TNIP3: variants seen among roughly 807,000 people sequenced by gnomAD.
TNIP3 encodes TNFAIP3-interacting protein 3.
TNIP3 carries 34 observed loss-of-function variants against 54.1 expected under a neutral mutation model. The observed-to-expected ratio is 0.63, with a 90% CI of 0.48 to 0.84. The LOEUF is 0.84. Among genes scored for constraint, TNIP3 ranks in the 40% least tolerant of loss-of-function variants. The pLI is 0.00. For synonymous variants in TNIP3, 134 were observed against 136.8 expected (o/e 0.98, Z 0.14); for missense variants, 366 against 387.6 (o/e 0.94, Z 0.47).
At chr4:121,206,432 C>T (rs1425745651) in intron 2 of TNIP3, among the ~76,000 whole-genome samples, 1 of 152,094 alleles carries the variant, frequency 6.6e-6, no homozygotes, top group African/African-American at 2.4e-5. Context: ...TAAAAATAAT[C>T]TGTAAATTAT....
chr4:121,204,356 C>T (rs976145738), intron 2 of TNIP3, among the ~76,000 whole-genome samples: 8 of 152,160 alleles, frequency 5.3e-5, no homozygotes, highest in Non-Finnish European at 1.2e-4. Context: ...TCTGGAAGCT[C>T]CCTACCCACT....
chr4:121,149,340 T>A (rs1729606821), intron 6 of TNIP3, among the ~76,000 whole-genome samples: 1 of 152,234 alleles, frequency 6.6e-6, no homozygotes, highest in Non-Finnish European at 1.5e-5. Context: ...TCAGTGATTA[T>A]AATAAGTACA....
At chr4:121,169,648 G>A (rs1730962552) in intron 3 of TNIP3, among the ~76,000 whole-genome samples, 1 of 152,116 alleles carries the variant, frequency 6.6e-6, no homozygotes, top group Admixed American at 6.5e-5. Context: ...AATGTATGAT[G>A]CTCCCAAATC....
At chr4:121,136,859 A>G (rs1351469881) in intron 10 of TNIP3, among the ~76,000 whole-genome samples, 6 of 74,688 alleles carry the variant, frequency 8.0e-5, no homozygotes, top group African/African-American at 2.5e-4. Context: ...CTGTCTCCGA[A>G]AAAAAAAAAA....
intron 2 of TNIP3, among the ~76,000 whole-genome samples, chr4:121,213,743 A>G (rs1344417096): frequency 6.6e-6 from 1 of 151,836 alleles, no homozygotes; most frequent in African/African-American, 2.4e-5. Context: ...AAAAAAAACA[A>G]AAAAAGACAT....
chr4:121,140,953 C>T (rs954503098), intron 9 of TNIP3, among the ~76,000 whole-genome samples: 16 of 152,148 alleles, frequency 1.1e-4, no homozygotes, highest in African/African-American at 3.6e-4. Flanking sequence ...TTTTGAGTCA[C>T]ACTCGAACAA....
chr4:121,145,926 G>A (rs1054118282), intron 7 of TNIP3, among the ~76,000 whole-genome samples: 4 of 150,748 alleles, frequency 2.7e-5, no homozygotes, highest in South Asian at 2.1e-4. Context: ...GCGGTGAGCC[G>A]AGATCATGCC....
intron 6 of TNIP3, among the ~76,000 whole-genome samples, chr4:121,147,778 A>G (rs1729516324): frequency 6.6e-6 from 1 of 152,224 alleles, no homozygotes. Context: ...GATTTAAATT[A>G]CTACTTATAT....
intron 2 of TNIP3, among the ~76,000 whole-genome samples, chr4:121,213,706 G>A (rs1448015962): frequency 2.8e-5 from 4 of 142,284 alleles, no homozygotes; most frequent in Non-Finnish European, 4.5e-5. Context: ...CAGCCTGGGC[G>A]ACAGAGTAAG....
chr4:121,173,089 G>A (rs1724070017), intron 3 of TNIP3, among the ~76,000 whole-genome samples: 1 of 152,154 alleles, frequency 6.6e-6, no homozygotes, highest in East Asian at 1.9e-4. Flanking sequence ...CCATATCAGA[G>A]CTCATTTAGT....
At chr4:121,156,772 T>A (rs868411561) in intron 4 of TNIP3, among the ~76,000 whole-genome samples, 3 of 151,922 alleles carry the variant, frequency 2.0e-5, no homozygotes, top group Non-Finnish European at 2.9e-5. Context: ...GAAAAAAAAA[T>A]TTCTCCTAGG....
chr4:121,156,191 C>G (rs1730075367), intron 4 of TNIP3, among the ~76,000 whole-genome samples: 1 of 152,126 alleles, frequency 6.6e-6, no homozygotes, highest in Non-Finnish European at 1.5e-5. Flanking sequence ...TCAGACATTG[C>G]CTTAAGATTT....
chr4:121,183,071 C>T (rs185759725), intron 2 of TNIP3, among the ~76,000 whole-genome samples: 1 of 152,178 alleles, frequency 6.6e-6, no homozygotes, highest in African/African-American at 2.4e-5. Context: ...CGAACACTCA[C>T]GGTGAGCCAG....
chr4:121,202,276 T>C (rs1233771750), intron 2 of TNIP3, among the ~76,000 whole-genome samples: 5 of 152,180 alleles, frequency 3.3e-5, no homozygotes, highest in Non-Finnish European at 7.3e-5. Flanking sequence ...TAGAGCCAAC[T>C]GATCTTTGAC....
At chr4:121,175,841 T>A (rs1488866922) in intron 3 of TNIP3, among the ~76,000 whole-genome samples, 2 of 152,238 alleles carry the variant, frequency 1.3e-5, no homozygotes, top group Non-Finnish European at 2.9e-5. Flanking sequence ...TGAGTTTTAA[T>A]TATTTTGTGT....
At chr4:121,179,051 AG>A (rs1724531363) in intron 3 of TNIP3, among the ~76,000 whole-genome samples, 1 of 152,224 alleles carries the variant, frequency 6.6e-6, no homozygotes, top group African/African-American at 2.4e-5. Context: ...AAAACCAGAA[AG>A]GTTTGAATTG....
upstream of TNIP3, among the ~76,000 whole-genome samples, chr4:121,220,461 C>T (rs1238461434): frequency 1.3e-5 from 2 of 152,034 alleles, no homozygotes; most frequent in East Asian, 1.9e-4. Context: ...AAACAGAATG[C>T]TTTTAGGTTT....
intron 4 of TNIP3, 36 bp downstream of exon 4, chr4:121,157,058 G>T (rs944927687): frequency 3.7e-6 from 6 of 1,605,716 alleles, no homozygotes; most frequent in Non-Finnish European, 4.3e-6. Context: ...GCTTTTATTT[G>T]GATCCTCCGG....
chr4:121,181,913 A>G (rs972495785), intron 3 of TNIP3, among the ~76,000 whole-genome samples: 3 of 152,212 alleles, frequency 2.0e-5, no homozygotes, highest in African/African-American at 4.8e-5. Flanking sequence ...GTGTTTATCC[A>G]TATACATTTT....
Sources: gnomAD v4.1 joint callset for allele counts (sites outside exome capture counted in the v4.1 genomes callset) on GRCh38, gnomAD v4.1.1 for gene constraint, MANE v1.5 for transcripts, NCBI Gene and HGNC (gene_info 2026-07-23, HGNC 2026-07-21) for gene names.